The following DMD variants were observed in gnomAD, a reference collection of about 807,000 sequenced individuals.
DMD encodes mutant dystrophin.
In DMD, 63 loss-of-function variants were observed where a neutral mutation model predicts 330.1. The observed-to-expected ratio is 0.19, with a 90% CI of 0.16 to 0.24. DMD has a LOEUF of 0.24. Among genes scored for constraint, DMD ranks in the 10% least tolerant of loss-of-function variants. DMD has a pLI of 1.00. For synonymous variants in DMD, 1,223 were observed against 959.8 expected (o/e 1.27, Z -5.07); for missense variants, 3,344 against 2,684.1 (o/e 1.25, Z -5.43).
intron 1 of DMD, among the ~76,000 whole-genome samples, chrX:33,099,574 C>T (rs778927038): frequency 3.7e-4 from 41 of 111,325 alleles, no homozygotes; most frequent in Non-Finnish European, 5.6e-4. Context: ...AGGATTTGTT[C>T]GTCACTCCAT....
intron 44 of DMD, among the ~76,000 whole-genome samples, chrX:32,071,319 A>T (rs1178854451): frequency 9.1e-6 from 1 of 110,161 alleles, no homozygotes; most frequent in Non-Finnish European, 1.9e-5. Context: ...CATCCTCACC[A>T]GCACCTGTTG....
chrX:33,259,328 C>T (rs980718886), intron 1 of DMD, among the ~76,000 whole-genome samples: 5 of 109,896 alleles, frequency 4.5e-5, no homozygotes, highest in Admixed American at 2.9e-4. Context: ...GATACAATGT[C>T]AGCCAAAGTC....
In DMD at chrX:32,365,045, G is replaced by T; in HGVS notation, c.5000C>A (p.Ala1667Glu). 1 of 1,210,556 alleles carries T rather than the reference G, an allele frequency of 8.3e-7. No individual in the cohort carries two copies. Among genetic ancestry groups the T allele is most frequent in the Non-Finnish European group, 1.1e-6 (1 of 895,018 alleles). The change falls in exon 35 of 79, where the codon GCA (alanine) becomes GAA (glutamate). Residue 1667 changes from alanine to glutamate, a missense_variant. Transcript: ENST00000357033. ...NSNWIAVTSR[A>E]EEWLNLLLEY... ...CAACAAAAGATTTAACCACTCTTCT[G>T]CTCGGGAGGTGACAGCTATCCAGTT...
chrX:32,575,166 G>A (rs1471421621), intron 13 of DMD, among the ~76,000 whole-genome samples: 9 of 111,166 alleles, frequency 8.1e-5, no homozygotes. Flanking sequence ...CCAAAGTGAT[G>A]GGATTACAGG....
chrX:31,722,187 C>T (rs963578411), intron 52 of DMD, among the ~76,000 whole-genome samples: 4 of 110,251 alleles, frequency 3.6e-5, no homozygotes, highest in Admixed American at 9.7e-5. Context: ...GGCGTGATCT[C>T]GGCTCAGTGC....
intron 1 of DMD, among the ~76,000 whole-genome samples, chrX:33,051,113 C>G (rs762651615): frequency 1.7e-4 from 19 of 111,781 alleles, no homozygotes; most frequent in Non-Finnish European, 3.0e-4. Flanking sequence ...TTTAACTGCT[C>G]ACTAATGTTT....
intron 2 of DMD, among the ~76,000 whole-genome samples, chrX:32,908,300 T>C (rs1390038793): frequency 8.9e-6 from 1 of 111,971 alleles, no homozygotes; most frequent in Non-Finnish European, 1.9e-5. Flanking sequence ...TATTATATTT[T>C]CCATGGGAAA....
chrX:32,424,466 G>A (rs1357620365), intron 29 of DMD, among the ~76,000 whole-genome samples: 3 of 111,322 alleles, frequency 2.7e-5, no homozygotes, highest in African/African-American at 9.8e-5. Flanking sequence ...ATAAAAGTGA[G>A]CCTAAATTGT....
At chrX:31,311,686 G>C (rs758185999) in intron 62 of DMD, among the ~76,000 whole-genome samples, 1 of 111,363 alleles carries the variant, frequency 9.0e-6, no homozygotes, top group Non-Finnish European at 1.9e-5. Context: ...ATTCTGTGAA[G>C]AAGGTCATGG....
rs753726735 is a variant in DMD, at chrX:32,352,491, A to G, written c.5326-3963T>C. The stretch of plus-strand genomic sequence containing the variant: ...TTTTACATTTTATATTCTCTTCAAA[A>G]CCCACACATATTTTACACTTATTTA... On this transcript the variant is annotated intron_variant, in intron 37 of 78. Coordinates refer to ENST00000357033, the MANE Select transcript of DMD (RefSeq NM_004006.3). Among the ~76,000 whole-genome samples, 47 of 110,786 alleles carry G rather than the reference A, an allele frequency of 4.2e-4. 1 individual carries two copies. Among genetic ancestry groups the G allele is most frequent in the Non-Finnish European group, 7.6e-4 (40 of 52,438 alleles).
chrX:32,310,235 G>A lies in DMD; in HGVS notation c.5964C>T (p.Asp1988=), dbSNP rs1057515869. ...REETMMVMTE[D]MPLEISYVPS... ...GCACATAAGAAATTTCCAAAGGCAT[G>A]TCTTCAGTCATCACCATCATCGTTT... The change falls in exon 42 of 79, where the codon GAC becomes GAT. Residue 1988 remains aspartate (D), a synonymous_variant. Transcript: ENST00000357033. 4.1e-6 allele frequency: 5 copies of A among 1,209,268 alleles called. No homozygotes were observed. Among genetic ancestry groups the A allele is most frequent in the African/African-American group, 1.7e-5 (1 of 57,647 alleles).
intron 60 of DMD, among the ~76,000 whole-genome samples, chrX:31,399,858 T>C (rs2061110193): frequency 9.0e-6 from 1 of 111,457 alleles, no homozygotes. Context: ...TAGCTGGATT[T>C]GAGTGTTTTT....
intron 68 of DMD, among the ~76,000 whole-genome samples, chrX:31,181,975 T>TA (rs948660545): frequency 9.0e-6 from 1 of 111,365 alleles, no homozygotes; most frequent in African/African-American, 3.3e-5. Flanking sequence ...TTAATTCATT[T>TA]AAAAAAAAAT....
chrX:32,068,374 ATTTTTTTT>A (rs749610367), intron 44 of DMD, among the ~76,000 whole-genome samples: 2 of 64,318 alleles, frequency 3.1e-5, no homozygotes, highest in African/African-American at 5.7e-5. Context: ...CTTGCTTGTC[ATTTTTTTT>A]TTTTTTTTTT....
intron 43 of DMD, among the ~76,000 whole-genome samples, chrX:32,228,142 G>C (rs932094241): frequency 9.0e-6 from 1 of 111,421 alleles, no homozygotes; most frequent in African/African-American, 3.3e-5. Context: ...CAAATAGTTA[G>C]AGATTCATTT....
chrX:33,037,217 C>G (rs937686548), intron 1 of DMD, among the ~76,000 whole-genome samples: 1 of 111,587 alleles, frequency 9.0e-6, no homozygotes, highest in Non-Finnish European at 1.9e-5. Flanking sequence ...AAGTAGTTTA[C>G]TGCTTAACAG....
intron 44 of DMD, among the ~76,000 whole-genome samples, chrX:32,091,603 A>T (rs2096475272): frequency 9.0e-6 from 1 of 111,286 alleles, no homozygotes; most frequent in African/African-American, 3.3e-5. Context: ...AAAACATTTT[A>T]AAATGGTCCC....
At chrX:32,041,436 G>C (rs1185691343) in intron 44 of DMD, among the ~76,000 whole-genome samples, 1 of 112,226 alleles carries the variant, frequency 8.9e-6, no homozygotes, top group African/African-American at 3.2e-5. Flanking sequence ...TCTGTGGCTT[G>C]AGACATAAGT....
intron 16 of DMD, among the ~76,000 whole-genome samples, chrX:32,559,606 C>T (rs1437451598): frequency 9.0e-6 from 1 of 110,850 alleles, no homozygotes; most frequent in African/African-American, 3.3e-5. Flanking sequence ...ACAGCCAGAA[C>T]GTGAACATAA....
Sources: allele counts gnomAD v4.1 joint callset (sites outside exome capture counted in the v4.1 genomes callset), GRCh38; gene constraint gnomAD v4.1.1; transcripts MANE v1.5; gene names NCBI Gene and HGNC (gene_info 2026-07-23, HGNC 2026-07-21).